Variants in PPP4R3A observed in about 807,000 individuals in gnomAD.
The protein encoded by PPP4R3A is protein phosphatase 4 regulatory subunit 3A.
Under a neutral mutation model 91.7 loss-of-function variants are expected in PPP4R3A, and 15 were observed. The ratio of observed to expected loss-of-function variants is 0.16; its 90% CI spans 0.11 to 0.25. PPP4R3A has a LOEUF of 0.25. Ranked by LOEUF, PPP4R3A falls within the 10% of genes least tolerant of loss-of-function variation. The pLI is 1.00. For synonymous variants in PPP4R3A, 377 were observed against 348.7 expected, an observed-to-expected ratio of 1.08 and a Z score of -0.91; for missense variants, 623 against 998.4, an observed-to-expected ratio of 0.62 and a Z score of 5.07.
At chr14:91,464,482 A>C (rs1888360265) in intron 11 of PPP4R3A, among the ~76,000 whole-genome samples, 1 of 152,158 alleles carries the variant, frequency 6.6e-6, no homozygotes, top group Admixed American at 6.5e-5. Context: ...AAAGCACGAC[A>C]TCCAGGTACT....
Position 91,501,712 on chromosome 14 carries a change from T to TC in PPP4R3A, c.142+7793_142+7794insG, listed in dbSNP as rs1475395683. Among the ~76,000 whole-genome samples the TC allele has an allele frequency of 3.3e-5, 5 of 150,712 alleles. No homozygotes were observed. In the East Asian group the frequency reaches 7.8e-4, roughly 23 times the overall value. On this transcript the variant is annotated intron_variant, in intron 1 of 14. Coordinates refer to ENST00000554943, the MANE Select transcript of PPP4R3A (RefSeq NM_001366432.2). ...TAGGTGGGAGACTAAAGTGTGCTTT[T>TC]TTTTTTTTTTGAGACGGAATCTCGC...
chr14:91,497,641 A>C (rs761997685), intron 1 of PPP4R3A, among the ~76,000 whole-genome samples: 9 of 152,216 alleles, frequency 5.9e-5, no homozygotes, highest in Non-Finnish European at 1.0e-4. Flanking sequence ...TCTCAAAAAA[A>C]TAAGGTGTCC....
chr14:91,460,987 CAAAGT>C (rs1236366950), intron 14 of PPP4R3A, among the ~76,000 whole-genome samples: 11 of 152,108 alleles, frequency 7.2e-5, no homozygotes, highest in Non-Finnish European at 1.6e-4. Flanking sequence ...CCTTAACTGG[CAAAGT>C]AAAGTTAGAA....
chr14:91,509,746 G>T lies in PPP4R3A; in HGVS notation c.-99C>A. 1 of 1,374,644 alleles carries T rather than the reference G, an allele frequency of 7.3e-7. No homozygotes were observed. Among genetic ancestry groups the T allele is most frequent in the Non-Finnish European group, 9.3e-7 (1 of 1,072,218 alleles). 85.2% of individuals were successfully genotyped at this position (1,374,644 alleles called of 1,614,324 possible). A position where few individuals can be genotyped will look rare whatever the true frequency, so the allele number is the denominator to read the frequency against. On this transcript the variant is annotated 5_prime_UTR_variant, in exon 1 of 15. Transcript: ENST00000554943. ...CGAGGCGTGAGGGCGCCCGCGAGCG[G>T]AGGGCTCCCCGGCCTCACTGCCGCC...
chr14:91,495,015 A>G (rs1239060347), intron 1 of PPP4R3A, among the ~76,000 whole-genome samples: 2 of 152,186 alleles, frequency 1.3e-5, no homozygotes, highest in African/African-American at 4.8e-5. Flanking sequence ...ATGAGGCATC[A>G]ATTTTGGAAA....
In PPP4R3A at chr14:91,493,631, T is replaced by C. The variant is rs554756841; in HGVS notation, c.143-2829A>G. Among the ~76,000 whole-genome samples, 21 of 63,908 alleles carry C rather than the reference T, an allele frequency of 3.3e-4. 1 individual carries two copies. Among genetic ancestry groups the C allele is most frequent in the African/African-American group, 1.7e-3 (21 of 12,370 alleles). 41.9% of individuals were successfully genotyped at this position (63,908 alleles called of 152,430 possible). ...GGTGAGACCCCATACTATATATTTT[T>C]AATATAAAATTTAAAAAAGGTATAA... On this transcript the variant is annotated intron_variant, in intron 1 of 14. Transcript: ENST00000554943.
At chr14:91,507,254 G>C (rs543070834) in intron 1 of PPP4R3A, among the ~76,000 whole-genome samples, 1 of 150,662 alleles carries the variant, frequency 6.6e-6, no homozygotes, top group African/African-American at 2.4e-5. Flanking sequence ...TCAGGAGATG[G>C]AGGTTGCAGT....
At chr14:91,490,650 AT>A in intron 2 of PPP4R3A, 96 bp downstream of exon 2, 1 of 919,682 alleles carries the variant, frequency 1.1e-6, no homozygotes, top group Non-Finnish European at 1.7e-6. Flanking sequence ...AACTGTTGTA[AT>A]CTCTTCTAAA....
At chr14:91,476,726 T>C (rs984636720) in intron 5 of PPP4R3A, among the ~76,000 whole-genome samples, 183 bp downstream of exon 5, 17 of 152,160 alleles carry the variant, frequency 1.1e-4, no homozygotes, top group Admixed American at 9.2e-4. Context: ...CCACCATGCT[T>C]GGCTAATTTT....
At position 91,473,365 on chromosome 14, in the gene PPP4R3A, A is replaced by G. The variant is rs561385560; in HGVS notation, c.1272T>C (p.Ile424=). Residue 424 remains isoleucine (I), a synonymous_variant, in exon 8 of 15, where the codon ATT becomes ATC. Transcript: ENST00000554943. The part of the protein sequence containing the change: ...LTEQKITSKD[I]LLINLIIEHM... ...GTTCTATAATGAGGTTGATGAGCAA[A>G]ATATCCTGGAGAGAAAAATAGACAT... 1 of 1,609,310 alleles carries G rather than the reference A, an allele frequency of 6.2e-7. No individual in the cohort carries two copies. Among genetic ancestry groups the G allele is most frequent in the African/African-American group, 1.3e-5 (1 of 74,796 alleles).
At position 91,473,082 on chromosome 14, in the gene PPP4R3A, A is replaced by C. The variant is rs1424085628; in HGVS notation, c.1452T>G (p.Val484=). The C allele has an allele frequency of 6.2e-7, 1 of 1,614,190 alleles. No individual in the cohort carries two copies. The highest frequency in any genetic ancestry group is 2.2e-5 in the East Asian group (1 of 44,870). ...TATTTGCTAGTAAAGGAGCAGTGAG[A>C]ACATGCATACAGTGCTTGTAGAAGA... The part of the protein sequence containing the change: ...LGFFYKHCMH[V]LTAPLLANTT... Residue 484 remains valine (V), a synonymous_variant, in exon 9 of 15, where the codon GTT becomes GTG. Transcript: ENST00000554943.
Position 91,476,975 on chromosome 14 carries a change from T to A in PPP4R3A, c.927A>T (p.Lys309Asn). ...EIVGMLQEDE[K>N]FLTDLFAQLT... ...GTTGTGCAAACAAATCTGTCAGAAA[T>A]TTTTCATCTTCCTGTGAAACAAAGG... Residue 309 changes from lysine to asparagine, a missense_variant, in exon 5 of 15, where the codon AAA becomes AAT. Physicochemically the swap from Lys to Asn is moderately conservative, Grantham distance 94. Around this residue, in one of 5 missense-constraint regions of PPP4R3A, gnomAD observed 264 missense variants for 377.3 expected, o/e 0.70. Coordinates refer to ENST00000554943, the MANE Select transcript of PPP4R3A (RefSeq NM_001366432.2). 5.6e-6 allele frequency: 9 copies of A among 1,600,214 alleles called. No homozygotes were observed. Among genetic ancestry groups the A allele is most frequent in the Non-Finnish European group, 7.7e-6 (9 of 1,172,068 alleles).
At chr14:91,505,567 T>C (rs1891246393) in intron 1 of PPP4R3A, among the ~76,000 whole-genome samples, 3 of 151,960 alleles carry the variant, frequency 2.0e-5, no homozygotes, top group Non-Finnish European at 2.9e-5. Context: ...GATTAACACA[T>C]CACAAAAACT....
Position 91,485,686 on chromosome 14 carries a change from G to A in PPP4R3A, c.243C>T (p.Ala81=). Reference sequence around the variant, plus strand: ...ATCCAGCTTTTTCTTGAAAGCTAAGGGCCAAGTCATAATTTTCTGCTTCAG... The same window carrying A: ...ATCCAGCTTTTTCTTGAAAGCTAAGAGCCAAGTCATAATTTTCTGCTTCAG... ...VWSEAENYDL[A]LSFQEKAGCD... is the part of the protein sequence containing the mutation. Residue 81 remains alanine, a synonymous_variant, in exon 3 of 15, where the codon GCC becomes GCT. Transcript: ENST00000554943. The A allele has an allele frequency of 6.2e-7, 1 of 1,607,198 alleles. No individual in the cohort carries two copies.
chr14:91,466,226 C>G (rs1888463551), intron 10 of PPP4R3A: 2 of 985,566 alleles, frequency 2.0e-6, no homozygotes, highest in Admixed American at 6.2e-5. Context: ...GTTAATGCCC[C>G]AGTTATTGTA....
Position 91,462,039 on chromosome 14 carries a change from TCCAACATACA to T in PPP4R3A, c.2164_2164+9del. On this transcript the variant is annotated splice_donor_variant and splice_donor_5th_base_variant and coding_sequence_variant and intron_variant, in exon 13 of 15. Coordinates refer to ENST00000554943, the MANE Select transcript of PPP4R3A (RefSeq NM_001366432.2). LOFTEE classifies it high-confidence loss of function. ...CTTAATTTTCTCTTGCCCATTTTTT[TCCAACATACA>T]TTTCTTCCTTTCCATGAATTTACTT... 1 of 1,492,582 alleles carries T rather than the reference TCCAACATACA, an allele frequency of 6.7e-7. No homozygotes were observed. The highest frequency in any genetic ancestry group is 2.5e-5 in the Admixed American group (1 of 39,364). 92.5% of individuals were successfully genotyped at this position (1,492,582 alleles called of 1,614,324 possible).
intron 5 of PPP4R3A, among the ~76,000 whole-genome samples, 179 bp downstream of exon 5, chr14:91,476,730 T>TA (rs1270032047): frequency 2.0e-5 from 3 of 152,166 alleles, no homozygotes; most frequent in Non-Finnish European, 4.4e-5. Flanking sequence ...CATGCTTGGC[T>TA]AATTTTTGTA....
intron 4 of PPP4R3A, 28 bp downstream of exon 4, chr14:91,481,548 A>T (rs1308037754): frequency 8.6e-6 from 13 of 1,509,718 alleles, no homozygotes; most frequent in Non-Finnish European, 1.1e-5. Context: ...ATCTCTTGAA[A>T]TATGAAAAAA....
chr14:91,467,980 T>A (rs1888581187), intron 10 of PPP4R3A, among the ~76,000 whole-genome samples: 1 of 152,198 alleles, frequency 6.6e-6, no homozygotes, highest in South Asian at 2.1e-4. Flanking sequence ...TTCCTCAAAT[T>A]TATTTTAGTT....
Sources: gnomAD v4.1 joint callset for allele counts (sites outside exome capture counted in the v4.1 genomes callset) on GRCh38, gnomAD v4.1.1 for gene constraint, gnomAD v4.1.1 regional missense constraint, MANE v1.5 for transcripts, NCBI Gene and HGNC (gene_info 2026-07-23, HGNC 2026-07-21) for gene names.